Variants in SLFN13 observed in about 807,000 individuals in gnomAD.
The protein encoded by SLFN13 is schlafen-13.
A neutral mutation model predicts 50.6 loss-of-function variants in SLFN13; 43 were observed. That is an observed-to-expected ratio of 0.85 (90% confidence interval 0.67 to 1.09). SLFN13 has a LOEUF of 1.09. Among genes scored for constraint, SLFN13 ranks in the 50% least tolerant of loss-of-function variants. The pLI, the probability that SLFN13 is intolerant of heterozygous loss-of-function variation, is 0.00. For missense variants in SLFN13, 881 were observed against 1,071.1 expected (o/e 0.82, Z 2.48); for synonymous variants, 339 against 386.5 (o/e 0.88, Z 1.44).
intron 4 of SLFN13, 58 bp from the exon 5 acceptor site, chr17:35,442,344 T>C (rs1023841233): frequency 6.7e-7 from 1 of 1,489,312 alleles, no homozygotes; most frequent in Admixed American, 2.3e-5. Flanking sequence ...TTTGTATGAA[T>C]CACATGTTAC....
Position 35,441,178 on chromosome 17 carries a change from T to C in SLFN13, c.2111A>G (p.Tyr704Cys), listed in dbSNP as rs778549167. Residue 704 changes from tyrosine (Y) to cysteine (C), a missense_variant, in exon 6 of 6, where the codon TAC becomes TGC. By Grantham distance (194) the Tyr-to-Cys change is radical (BLOSUM62 -2). Transcript: ENST00000285013. The part of the protein sequence containing the change: ...CPGVLWIFLD[Y>C]FQTSHLGHSG... The stretch of plus-strand genomic sequence containing the variant: ...GTGACCCAAGTGACTGGTCTGAAAG[T>C]AGTCCAGAAAGATCCAGAGAACTCC... The C allele has an allele frequency of 1.2e-6, 2 of 1,614,014 alleles. No individual in the cohort carries two copies. Among genetic ancestry groups the C allele is most frequent in the South Asian group, 2.2e-5 (2 of 91,084 alleles).
chr17:35,439,823 G>C lies in SLFN13; in HGVS notation c.*772C>G, dbSNP rs896996263. ...AAAATCTTTCCCAAGTTTGTTCACCGTACATCTGATACACACTTTCAGAAC... is the reference window on the plus strand; with the variant it reads ...AAAATCTTTCCCAAGTTTGTTCACCCTACATCTGATACACACTTTCAGAAC... On this transcript the variant is annotated 3_prime_UTR_variant, in exon 6 of 6. Coordinates refer to ENST00000285013, the MANE Select transcript of SLFN13 (RefSeq NM_144682.6). The C allele has an allele frequency of 6.6e-6, 1 of 152,038 alleles. No individual in the cohort carries two copies. The highest frequency in any genetic ancestry group is 2.1e-4 in the South Asian group (1 of 4,832). The allele number at this position is 152,038 out of a possible 1,614,324, so 9.4% of individuals were successfully genotyped here.
Position 35,442,222 on chromosome 17 carries a change from T to TCTGTGCTCTGAGA in SLFN13, c.1262_1263insTCTCAGAGCACAG (p.Glu421AspfsTer27). On this transcript the variant is annotated frameshift_variant, in exon 5 of 6. Transcript: ENST00000285013. LOFTEE classifies it high-confidence loss of function. ...GCTTGTGTATTAACTCCTTTAGTCCTTCATGCTGTAAAGACAGCTCCTTCC... is the reference window on the plus strand; with the variant it reads ...GCTTGTGTATTAACTCCTTTAGTCCTCTGTGCTCTGAGATCATGCTGTAAAGACAGCTCCTTCC... 1 of 1,613,478 alleles carries TCTGTGCTCTGAGA rather than the reference T, an allele frequency of 6.2e-7. No homozygotes were observed. Among genetic ancestry groups the TCTGTGCTCTGAGA allele is most frequent in the Non-Finnish European group, 8.5e-7 (1 of 1,179,540 alleles).
At position 35,437,841 on chromosome 17, in the gene SLFN13, C is replaced by T. The variant is rs560642073; in HGVS notation, c.*2754G>A. On this transcript the variant is annotated 3_prime_UTR_variant, in exon 6 of 6. Transcript: ENST00000285013. ...AAAATAAAAGGCTAATTTAAATTTT[C>T]AAAACATTTTGTTTCATTTTACAAT... 1.3e-5 allele frequency: 2 copies of T among 152,220 alleles called. No homozygotes were observed. Among genetic ancestry groups the T allele is most frequent in the South Asian group, 2.1e-4 (1 of 4,832 alleles). The allele number at this position is 152,220 out of a possible 1,614,324, so 9.4% of individuals were successfully genotyped here.
rs1259057461 is a variant in SLFN13, at chr17:35,447,432, TAG to T, written c.-160-20_-160-19del. 1 of 152,174 alleles carries T rather than the reference TAG, an allele frequency of 6.6e-6. No individual in the cohort carries two copies. Among genetic ancestry groups the T allele is most frequent in the East Asian group, 1.9e-4 (1 of 5,196 alleles). 9.4% of individuals were successfully genotyped at this position (152,174 alleles called of 1,614,324 possible). ...TGAAAGACCTGTATGCAGAAACATG[TAG>T]AGAGAGGCAGTAGAGTTCAGGGGTC... On this transcript the variant is annotated intron_variant, in intron 1 of 5. Transcript: ENST00000285013.
rs2142069624 is a variant in SLFN13, at chr17:35,439,308, G to C, written c.*1287C>G. The C allele has an allele frequency of 6.6e-6, 1 of 152,152 alleles. No homozygotes were observed. The allele number at this position is 152,152 out of a possible 1,614,324, so 9.4% of individuals were successfully genotyped here. On this transcript the variant is annotated 3_prime_UTR_variant, in exon 6 of 6. Coordinates refer to ENST00000285013, the MANE Select transcript of SLFN13 (RefSeq NM_144682.6). ...TTCAACATGGGAATTTAGGGGTGAG[G>C]ATGGGACACAAACATTCAGTCCATA...
rs1276634280 is a variant in SLFN13, at chr17:35,448,754, A to G, written c.-193T>C. 1 of 152,108 alleles carries G rather than the reference A, an allele frequency of 6.6e-6. No individual in the cohort carries two copies. The highest frequency in any genetic ancestry group is 2.4e-5 in the African/African-American group (1 of 41,382). The allele number at this position is 152,108 out of a possible 1,614,324, so 9.4% of individuals were successfully genotyped here. On this transcript the variant is annotated 5_prime_UTR_variant, in exon 1 of 6. Transcript: ENST00000285013. ...GCTCCAGCGCGTCAAGCTCCAGGAC[A>G]CTCCGCGTTTCCCTGGAGGCGCCAA...
rs2142069920 is a variant in SLFN13 at position 35,439,410 on chromosome 17, A to T, written c.*1185T>A. The T allele has an allele frequency of 6.6e-6, 1 of 152,334 alleles. No homozygotes were observed. Among genetic ancestry groups the T allele is most frequent in the South Asian group, 2.1e-4 (1 of 4,830 alleles). 9.4% of individuals were successfully genotyped at this position (152,334 alleles called of 1,614,324 possible). A position where few individuals can be genotyped will look rare whatever the true frequency, so the allele number is the denominator to read the frequency against. On this transcript the variant is annotated 3_prime_UTR_variant, in exon 6 of 6. Transcript: ENST00000285013. ...AGAATGACATAAAACTTAAGTAGTT[A>T]TGCTATAGAGTAATGCATACAGCTA...
chr17:35,436,456 G>T lies in SLFN13; in HGVS notation c.*4139C>A, dbSNP rs1028875467. 2 of 150,030 alleles carry T rather than the reference G, an allele frequency of 1.3e-5. No individual in the cohort carries two copies. The highest frequency in any genetic ancestry group is 5.0e-5 in the African/African-American group (2 of 40,286). The allele number at this position is 150,030 out of a possible 1,614,324, so 9.3% of individuals were successfully genotyped here. On this transcript the variant is annotated 3_prime_UTR_variant, in exon 6 of 6. Transcript: ENST00000285013. ...TAGAAAAAAATCTCAAATATTATGC[G>T]TTCAGAAGCAAAAACACCCCCCCTC... is the stretch of plus-strand genomic sequence containing the variant.
At chr17:35,441,419 A>G (rs558891601) in intron 5 of SLFN13, 53 bp from the exon 6 acceptor site, 20 of 1,571,178 alleles carry the variant, frequency 1.3e-5, no homozygotes, top group Admixed American at 3.7e-5. Context: ...ACAAGGGGAG[A>G]AAATGATTGT....
intron 3 of SLFN13, 40 bp downstream of exon 3, chr17:35,444,575 G>C: frequency 6.4e-7 from 1 of 1,556,264 alleles, no homozygotes; most frequent in Non-Finnish European, 8.8e-7. Flanking sequence ...TTGGGGAAGA[G>C]GTAGAAAGGT....
In SLFN13 at chr17:35,440,938, G is replaced by A. The variant is rs778928883; in HGVS notation, c.2351C>T (p.Thr784Ile). Residue 784 changes from threonine (T) to isoleucine (I), a missense_variant, in exon 6 of 6, where the codon ACT (threonine) becomes ATT (isoleucine). By Grantham distance (89) the Thr-to-Ile change is moderately conservative. Coordinates refer to ENST00000285013, the MANE Select transcript of SLFN13 (RefSeq NM_144682.6). ...PGNTKIIKNF[T>I]LEQIVTYVAD... ...CACATAGGTCACTATTTGCTCCAAA[G>A]TAAAGTTTTTAATAATCTTTGTGTT... is the stretch of plus-strand genomic sequence containing the variant. 1 of 1,613,786 alleles carries A rather than the reference G, an allele frequency of 6.2e-7. No individual in the cohort carries two copies. The highest frequency in any genetic ancestry group is 8.5e-7 in the Non-Finnish European group (1 of 1,180,004).
intron 3 of SLFN13, among the ~76,000 whole-genome samples, chr17:35,444,227 C>T (rs967854027): frequency 8.5e-5 from 13 of 152,186 alleles, no homozygotes; most frequent in Non-Finnish European, 8.8e-5. Flanking sequence ...GTTTTTATAT[C>T]CCTGTGCACG....
At chr17:35,442,827 C>T (rs1567862554) in intron 4 of SLFN13, among the ~76,000 whole-genome samples, 2 of 152,154 alleles carry the variant, frequency 1.3e-5, no homozygotes, top group African/African-American at 4.8e-5. Flanking sequence ...GACAGTGGAG[C>T]ATGTCAACTG....
In SLFN13 at chr17:35,442,299, A is replaced by G. The variant is rs752484321; in HGVS notation, c.1199-13T>C. 82 of 1,544,080 alleles carry G rather than the reference A, an allele frequency of 5.3e-5. No individual in the cohort carries two copies. Among genetic ancestry groups the G allele is most frequent in the Non-Finnish European group, 6.9e-5 (79 of 1,148,044 alleles). Reference sequence around the variant, plus strand: ...TGTCCTGGTGGAACTAGACAGGAAGAAAATAGAAAGATGTTTTCACTGTGT... The same window carrying G: ...TGTCCTGGTGGAACTAGACAGGAAGGAAATAGAAAGATGTTTTCACTGTGT... On this transcript the variant is annotated splice_polypyrimidine_tract_variant and intron_variant, in intron 4 of 5. Transcript: ENST00000285013.
At position 35,445,626 on chromosome 17, in the gene SLFN13, T is replaced by C. The variant is rs774284961; in HGVS notation, c.55A>G (p.Ile19Val). ...CCCAGAGTCACTTCTCCGACATCGATGACCAGGTCTGGGTAAGATGGATAC... is the reference window on the plus strand; with the variant it reads ...CCCAGAGTCACTTCTCCGACATCGACGACCAGGTCTGGGTAAGATGGATAC... ...GVYPSYPDLV[I>V]DVGEVTLGEE... The change falls in exon 3 of 6, where the codon ATC (isoleucine) becomes GTC (valine). Residue 19 changes from isoleucine to valine, a missense_variant. Ile to Val is a conservative substitution (Grantham distance 29). This residue lies in a region of SLFN13 where 497 missense variants were observed against 518.3 expected (regional missense o/e 0.96). Transcript: ENST00000285013. 4.3e-6 allele frequency: 7 copies of C among 1,614,062 alleles called. No individual in the cohort carries two copies. The highest frequency in any genetic ancestry group is 1.6e-4 in the Middle Eastern group (1 of 6,084).
chr17:35,448,736 C>G lies in SLFN13; in HGVS notation c.-175G>C, dbSNP rs1349304225. 1 of 152,300 alleles carries G rather than the reference C, an allele frequency of 6.6e-6. No individual in the cohort carries two copies. Among genetic ancestry groups the G allele is most frequent in the Admixed American group, 6.5e-5 (1 of 15,288 alleles). The allele number at this position is 152,300 out of a possible 1,614,324, so 9.4% of individuals were successfully genotyped here. On this transcript the variant is annotated 5_prime_UTR_variant, in exon 1 of 6. Coordinates refer to ENST00000285013, the MANE Select transcript of SLFN13 (RefSeq NM_144682.6). ...CCCTCTCTTACCTCTCAAGCTCCAG[C>G]GCGTCAAGCTCCAGGACACTCCGCG...
rs749197353 is a variant in SLFN13, at chr17:35,445,048, G to A, written c.633C>T (p.Ser211=). The A allele has an allele frequency of 1.9e-6, 3 of 1,614,080 alleles. No individual in the cohort carries two copies. Among genetic ancestry groups the A allele is most frequent in the Non-Finnish European group, 2.5e-6 (3 of 1,180,032 alleles). ...TTGTAGAGAACTGTTTAAACTCTAT[G>A]GATGGAGACTCAGGAAAAGATAGGA... ...GEILSFPESP[S]IEFKQFSTKH... Residue 211 remains serine (S), a synonymous_variant, in exon 3 of 6, where the codon TCC becomes TCT. Transcript: ENST00000285013.
At position 35,445,178 on chromosome 17, in the gene SLFN13, T is replaced by C. The variant is rs1041304235; in HGVS notation, c.503A>G (p.Glu168Gly). 7 of 1,613,270 alleles carry C rather than the reference T, an allele frequency of 4.3e-6. No individual in the cohort carries two copies. The African/African-American group carries it at 9.3e-5, about 22-fold the overall frequency. Residue 168 changes from glutamate (E) to glycine (G), a missense_variant, in exon 3 of 6, where the codon GAA becomes GGA. By Grantham distance (98) the Glu-to-Gly change is moderately conservative. Around this residue, in one of 5 missense-constraint regions of SLFN13, gnomAD observed 497 missense variants for 518.3 expected, o/e 0.96. Coordinates refer to ENST00000285013, the MANE Select transcript of SLFN13 (RefSeq NM_144682.6). ...CATAATTTTACTAGGTGGAGACCCT[T>C]CATTAATCAGATTATATTTGGACTG... is the stretch of plus-strand genomic sequence containing the variant. ...ERQSKYNLIN[E>G]GSPPSKIMKA...
Sources: gnomAD v4.1 joint callset for allele counts (sites outside exome capture counted in the v4.1 genomes callset) on GRCh38, gnomAD v4.1.1 for gene constraint, gnomAD v4.1.1 regional missense constraint, MANE v1.5 for transcripts, NCBI Gene and HGNC (gene_info 2026-07-23, HGNC 2026-07-21) for gene names.